The following ROR2 variants were observed in gnomAD, a reference collection of about 807,000 sequenced individuals.
The protein encoded by ROR2 is tyrosine-protein kinase transmembrane receptor ROR2.
ROR2 carries 33 observed loss-of-function variants against 74.9 expected under a neutral mutation model. The ratio of observed to expected loss-of-function variants is 0.44; its 90% CI spans 0.33 to 0.59. The LOEUF (loss-of-function observed/expected upper bound fraction) is 0.59. ROR2 is among the 20% of genes least tolerant of loss of function. ROR2 has a pLI of 0.02. For synonymous variants in ROR2, 586 were observed against 558.7 expected, an observed-to-expected ratio of 1.05 and a Z score of -0.69; for missense variants, 1,216 against 1,313.8, an observed-to-expected ratio of 0.93 and a Z score of 1.15.
chr9:91,749,166 A>G (rs1379186033), intron 4 of ROR2, among the ~76,000 whole-genome samples: 1 of 152,264 alleles, frequency 6.6e-6, no homozygotes, highest in African/African-American at 2.4e-5. Flanking sequence ...TAAAATTCAC[A>G]AGGAAAAGAA....
intron 1 of ROR2, among the ~76,000 whole-genome samples, chr9:91,935,621 G>C (rs1831662777): frequency 6.6e-6 from 1 of 152,206 alleles, no homozygotes; most frequent in Non-Finnish European, 1.5e-5. Context: ...AGAAACAAAG[G>C]CCCTAGGACG....
chr9:91,850,741 C>A (rs2119253954), intron 1 of ROR2, among the ~76,000 whole-genome samples: 1 of 152,338 alleles, frequency 6.6e-6, no homozygotes, highest in Non-Finnish European at 1.5e-5. Context: ...AGATGAGTCT[C>A]TTCTCTAATT....
At chr9:91,746,059 T>C (rs1189274804) in intron 4 of ROR2, among the ~76,000 whole-genome samples, 7 of 151,864 alleles carry the variant, frequency 4.6e-5, no homozygotes, top group Admixed American at 3.9e-4. Flanking sequence ...GGTGGCTTGG[T>C]TTTTTTGTTT....
chr9:91,901,167 C>T (rs1351367894), intron 1 of ROR2, among the ~76,000 whole-genome samples: 2 of 152,206 alleles, frequency 1.3e-5, no homozygotes, highest in African/African-American at 2.4e-5. Context: ...GAAATGCAAA[C>T]TATACTATAA....
At chr9:91,833,269 G>A (rs951184577) in intron 1 of ROR2, among the ~76,000 whole-genome samples, 4 of 152,076 alleles carry the variant, frequency 2.6e-5, no homozygotes, top group African/African-American at 9.7e-5. Context: ...TGCTCCCGAC[G>A]CATCCACGCT....
At chr9:91,833,249 G>T (rs116377757) in intron 1 of ROR2, among the ~76,000 whole-genome samples, 2,062 of 152,236 alleles carry the variant, frequency 0.014, 47 homozygotes, top group African/African-American at 0.047. Context: ...TGTCCATCCA[G>T]CCTGCCGGAT....
intron 1 of ROR2, among the ~76,000 whole-genome samples, chr9:91,780,570 C>A (rs1826583514): frequency 6.6e-6 from 1 of 151,992 alleles, no homozygotes; most frequent in Admixed American, 6.5e-5. Flanking sequence ...TCGGGTGGAT[C>A]ACCTGAGGTC....
At chr9:91,802,230 G>T (rs1827412007) in intron 1 of ROR2, among the ~76,000 whole-genome samples, 1 of 149,808 alleles carries the variant, frequency 6.7e-6, no homozygotes, top group African/African-American at 2.5e-5. Context: ...CCCGCCACCA[G>T]GCCCGGCTAA....
chr9:91,723,484 C>T lies in ROR2; in HGVS notation c.*178G>A. The T allele has an allele frequency of 2.2e-6, 2 of 920,154 alleles. No homozygotes were observed. The highest frequency in any genetic ancestry group is 2.7e-5 in the East Asian group (1 of 37,302). The allele number at this position is 920,154 out of a possible 1,614,324, so 57.0% of individuals were successfully genotyped here. A position where few individuals can be genotyped will look rare whatever the true frequency, so the allele number is the denominator to read the frequency against. On this transcript the variant is annotated 3_prime_UTR_variant, in exon 9 of 9. Transcript: ENST00000375708. Reference sequence around the variant, plus strand: ...CTGGCTTGGGTGCTCCTAGGCAGGGCAGCTCTCTGTGTCAGAGGACAGAGA... The same window carrying T: ...CTGGCTTGGGTGCTCCTAGGCAGGGTAGCTCTCTGTGTCAGAGGACAGAGA...
chr9:91,924,762 G>A (rs992198857), intron 1 of ROR2, among the ~76,000 whole-genome samples: 17 of 151,284 alleles, frequency 1.1e-4, no homozygotes, highest in Non-Finnish European at 1.9e-4. Flanking sequence ...CAGCCTGGGC[G>A]ACAGAGCGAG....
chr9:91,940,758 C>A (rs1223812098), intron 1 of ROR2, among the ~76,000 whole-genome samples: 1 of 151,884 alleles, frequency 6.6e-6, no homozygotes. Flanking sequence ...CCAGCCCCCA[C>A]CCCCGGCTAA....
At chr9:91,761,469 A>G (rs1035154747) in intron 2 of ROR2, among the ~76,000 whole-genome samples, 2 of 152,196 alleles carry the variant, frequency 1.3e-5, no homozygotes, top group Non-Finnish European at 2.9e-5. Context: ...TTAGACTCTC[A>G]TAAGCGCACA....
chr9:91,909,634 G>A (rs1830902646), intron 1 of ROR2, among the ~76,000 whole-genome samples: 1 of 150,780 alleles, frequency 6.6e-6, no homozygotes, highest in Non-Finnish European at 1.5e-5. Flanking sequence ...TTACAGGCAT[G>A]AGCCACCACA....
chr9:91,846,109 G>T (rs1828922019), intron 1 of ROR2, among the ~76,000 whole-genome samples: 1 of 152,104 alleles, frequency 6.6e-6, no homozygotes, highest in African/African-American at 2.4e-5. Flanking sequence ...TGGGGCCCAG[G>T]CAAGGCCTGC....
chr9:91,826,660 T>C (rs1473780283), intron 1 of ROR2, among the ~76,000 whole-genome samples: 1 of 151,850 alleles, frequency 6.6e-6, no homozygotes. Context: ...GGTGGGAGCC[T>C]GTAGTCCCAG....
At chr9:91,842,532 G>A (rs374283288) in intron 1 of ROR2, among the ~76,000 whole-genome samples, 8 of 152,210 alleles carry the variant, frequency 5.3e-5, no homozygotes, top group South Asian at 4.1e-4. Context: ...CCAATCGGAC[G>A]CCACAGGCAT....
At chr9:91,727,707 T>C (rs981164160) in intron 7 of ROR2, among the ~76,000 whole-genome samples, 12 of 152,120 alleles carry the variant, frequency 7.9e-5, no homozygotes, top group African/African-American at 2.4e-4. Context: ...TCCTTAACCT[T>C]GCAAATAACT....
intron 1 of ROR2, among the ~76,000 whole-genome samples, chr9:91,794,802 C>T (rs940996276): frequency 6.6e-6 from 1 of 151,992 alleles, no homozygotes; most frequent in Non-Finnish European, 1.5e-5. Context: ...ATGAGATTCT[C>T]TAGTTCTCTA....
At chr9:91,908,088 T>C (rs1830864815) in intron 1 of ROR2, among the ~76,000 whole-genome samples, 1 of 151,720 alleles carries the variant, frequency 6.6e-6, no homozygotes, top group Non-Finnish European at 1.5e-5. Flanking sequence ...AGATAGAGAG[T>C]GGAATCCAAA....
Sources: allele counts gnomAD v4.1 joint callset (sites outside exome capture counted in the v4.1 genomes callset), GRCh38; gene constraint gnomAD v4.1.1; transcripts MANE v1.5; gene names NCBI Gene and HGNC (gene_info 2026-07-23, HGNC 2026-07-21).